The following SMARCA2 variants were observed in gnomAD, a reference collection of about 807,000 sequenced individuals.
SMARCA2 encodes SWI/SNF-related matrix-associated actin-dependent regulator of chromatin subfamily A member 2.
In SMARCA2, 61 loss-of-function variants were observed where a neutral mutation model predicts 199.8. That is an observed-to-expected ratio of 0.31 (90% CI 0.25 to 0.38). The LOEUF is 0.38. Ranked by LOEUF, SMARCA2 falls within the 10% of genes least tolerant of loss-of-function variation. The pLI is 1.00. For synonymous variants in SMARCA2, 935 were observed against 732.0 expected, an observed-to-expected ratio of 1.28 and a Z score of -4.48; for missense variants, 1,344 against 2,012.2, an observed-to-expected ratio of 0.67 and a Z score of 6.35.
chr9:2,084,314 T>C, intron 17 of SMARCA2, 118 bp downstream of exon 17: 1 of 617,650 alleles, frequency 1.6e-6, no homozygotes, highest in Admixed American at 2.9e-5. Flanking sequence ...TCTTTATTTT[T>C]CTAAAATTTT....
chr9:2,160,713 A>C (rs1825622952), intron 27 of SMARCA2: 3 of 603,148 alleles, frequency 5.0e-6, no homozygotes, highest in Non-Finnish European at 9.1e-6. Flanking sequence ...GGAGGAACAA[A>C]TAACAACATT....
chr9:2,192,818 A>T lies in SMARCA2; in HGVS notation c.*79A>T. 2 of 1,026,096 alleles carry T rather than the reference A, an allele frequency of 1.9e-6. No homozygotes were observed. Among genetic ancestry groups the T allele is most frequent in the Admixed American group, 1.8e-5 (1 of 56,882 alleles). 63.6% of individuals were successfully genotyped at this position (1,026,096 alleles called of 1,614,324 possible). ...TTTCTACCCAGTGAGTTCATTTGTC[A>T]TATAGGCACTGGGTTGTTTCTATAT... On this transcript the variant is annotated 3_prime_UTR_variant, in exon 34 of 34. Coordinates refer to ENST00000349721, the MANE Select transcript of SMARCA2 (RefSeq NM_003070.5).
At chr9:2,069,816 A>G (rs1306536645) in intron 9 of SMARCA2, among the ~76,000 whole-genome samples, 1 of 152,258 alleles carries the variant, frequency 6.6e-6, no homozygotes, top group South Asian at 2.1e-4. Flanking sequence ...CAGGGGATAC[A>G]TGTGCAAGTT....
intron 21 of SMARCA2, among the ~76,000 whole-genome samples, chr9:2,098,228 C>CA (rs1822357455): frequency 1.3e-5 from 2 of 152,194 alleles, no homozygotes; most frequent in Admixed American, 1.3e-4. Flanking sequence ...CTTGCTACTG[C>CA]AAAATGGGCA....
Position 2,159,442 on chromosome 9 carries a change from A to G in SMARCA2, c.3982-2244A>G, listed in dbSNP as rs1825550358. 3 of 211,608 alleles carry G rather than the reference A, an allele frequency of 1.4e-5. No homozygotes were observed. In the South Asian group the frequency reaches 3.2e-4, roughly 22 times the overall value. The allele number at this position is 211,608 out of a possible 1,614,324, so 13.1% of individuals were successfully genotyped here. On this transcript the variant is annotated intron_variant, in intron 27 of 33. Transcript: ENST00000349721. ...AAAATCATTTAGACTGCTCCAAACC[A>G]TGCTGCTATTTTTTAAAAAATAAGG...
chr9:2,191,425 G>A lies in SMARCA2; in HGVS notation c.4737+17G>A. 2.5e-6 allele frequency: 4 copies of A among 1,613,478 alleles called. No homozygotes were observed. The highest frequency in any genetic ancestry group is 1.7e-4 in the Middle Eastern group (1 of 6,018). ...GATGAACGTGTAAGTGTAGCCGACT[G>A]GGACTGAAGGCGGAGACGCCCTCTC... is the stretch of plus-strand genomic sequence containing the variant. On this transcript the variant is annotated intron_variant, in intron 33 of 33. Transcript: ENST00000349721.
intron 26 of SMARCA2, among the ~76,000 whole-genome samples, chr9:2,121,613 A>T (rs1195314532): frequency 8.5e-5 from 13 of 152,258 alleles, no homozygotes; most frequent in Admixed American, 8.5e-4. Context: ...ATCCATTATT[A>T]GAAAAGAGTG....
At chr9:2,150,804 G>A (rs1047200266) in intron 27 of SMARCA2, among the ~76,000 whole-genome samples, 2 of 151,510 alleles carry the variant, frequency 1.3e-5, no homozygotes, top group African/African-American at 2.4e-5. Flanking sequence ...AGCAGGTTTG[G>A]TTTCTTCTGA....
chr9:2,024,262 C>T (rs946171369), intron 1 of SMARCA2, among the ~76,000 whole-genome samples: 1 of 152,116 alleles, frequency 6.6e-6, no homozygotes, highest in African/African-American at 2.4e-5. Context: ...TTACCTAATT[C>T]CTTTCTCTCC....
At chr9:2,125,106 G>T (rs1823630832) in intron 27 of SMARCA2, among the ~76,000 whole-genome samples, 1 of 152,164 alleles carries the variant, frequency 6.6e-6, no homozygotes, top group African/African-American at 2.4e-5. Flanking sequence ...AAGGCAAACA[G>T]GTCTTGTCAC....
At chr9:2,090,802 G>A (rs1038212466) in intron 19 of SMARCA2, among the ~76,000 whole-genome samples, 1 of 151,904 alleles carries the variant, frequency 6.6e-6, no homozygotes, top group African/African-American at 2.4e-5. Flanking sequence ...GTATGTGGTT[G>A]TTGTTGATAT....
chr9:2,161,785 G>T lies in SMARCA2; in HGVS notation c.4081G>T (p.Val1361Leu), dbSNP rs757704280. 2 of 1,614,050 alleles carry T rather than the reference G, an allele frequency of 1.2e-6. No individual in the cohort carries two copies. The highest frequency in any genetic ancestry group is 3.3e-5 in the Admixed American group (2 of 59,996). Residue 1361 changes from valine (V) to leucine (L), a missense_variant, in exon 28 of 34, where the codon GTG becomes TTG. Transcript: ENST00000349721. The surrounding 1 kb of genome is among the most constrained non-coding windows in gnomAD (Gnocchi z 4.7). ...GGATAAAGATCCTGCAAAAGAAGAT[G>T]TGGAAAAAGCTAAGAAGAGAAGAGG... ...NVDKDPAKED[V>L]EKAKKRRGRP... is the part of the protein sequence containing the mutation.
chr9:2,101,672 C>A, intron 22 of SMARCA2, 56 bp downstream of exon 22: 2 of 852,120 alleles, frequency 2.3e-6, no homozygotes, highest in Non-Finnish European at 3.9e-6. Flanking sequence ...CTTACATAAA[C>A]TCCTCCTCTC....
chr9:2,047,338 C>G lies in SMARCA2; in HGVS notation c.900C>G (p.Ala300=). The G allele has an allele frequency of 8.1e-7, 1 of 1,240,524 alleles. No homozygotes were observed. Among genetic ancestry groups the G allele is most frequent in the Non-Finnish European group, 1.0e-6 (1 of 976,990 alleles). The allele number at this position is 1,240,524 out of a possible 1,614,324, so 76.8% of individuals were successfully genotyped here. A position where few individuals can be genotyped will look rare whatever the true frequency, so the allele number is the denominator to read the frequency against. The stretch of plus-strand genomic sequence containing the variant: ...CCGCAGCCGCGCAGCCGCCCGCGGC[C>G]GCAGTGCCCGGGCCCTCAGTGCCGC... The part of the protein sequence containing the change: ...APPAAAQPPA[A]AVPGPSVPQP... The change falls in exon 5 of 34, where the codon GCC becomes GCG. Residue 300 remains alanine, a synonymous_variant. Coordinates refer to ENST00000349721, the MANE Select transcript of SMARCA2 (RefSeq NM_003070.5).
intron 25 of SMARCA2, among the ~76,000 whole-genome samples, chr9:2,118,146 A>G (rs374480771): frequency 1.2e-4 from 18 of 152,294 alleles, no homozygotes; most frequent in African/African-American, 4.1e-4. Flanking sequence ...CTAGGAAGAA[A>G]GTAGGCGAAG....
At chr9:2,094,820 G>C (rs940819219) in intron 19 of SMARCA2, among the ~76,000 whole-genome samples, 2 of 152,144 alleles carry the variant, frequency 1.3e-5, no homozygotes, top group African/African-American at 4.8e-5. Context: ...AAAGAGCCCA[G>C]TAATATTAGT....
In SMARCA2 at chr9:2,192,697, CTT is replaced by C. The variant is rs763437405; in HGVS notation, c.4738-4_4738-3del. 4 of 1,597,946 alleles carry C rather than the reference CTT, an allele frequency of 2.5e-6. No individual in the cohort carries two copies. Among genetic ancestry groups the C allele is most frequent in the Non-Finnish European group, 3.4e-6 (4 of 1,165,454 alleles). Reference sequence around the variant, plus strand: ...ACTTCATTTTATCTTCTTATTTTTACTTTTAGGAACAGTCAGAAGGAAGTGGG... The same window carrying C: ...ACTTCATTTTATCTTCTTATTTTTACTTAGGAACAGTCAGAAGGAAGTGGG... On this transcript the variant is annotated splice_region_variant and splice_polypyrimidine_tract_variant and intron_variant, in intron 33 of 33. Transcript: ENST00000349721.
rs762444118 is a variant in SMARCA2 at position 2,032,958 on chromosome 9, G to A, written c.232G>A (p.Asp78Asn). ...EGMHQMHKPI[D>N]GIHDKGIVED... ...TGTCCTTTAAATGTTTCAGCCCATC[G>A]ATGGTATACATGACAAGGGGATTGT... Residue 78 changes from aspartate to asparagine, a missense_variant, in exon 3 of 34, where the codon GAT becomes AAT. Around this residue, in one of 18 missense-constraint regions of SMARCA2, gnomAD observed 275 missense variants for 247.5 expected, o/e 1.11. Coordinates refer to ENST00000349721, the MANE Select transcript of SMARCA2 (RefSeq NM_003070.5). 2 of 1,613,624 alleles carry A rather than the reference G, an allele frequency of 1.2e-6. No homozygotes were observed. The highest frequency in any genetic ancestry group is 2.2e-5 in the South Asian group (2 of 91,036).
At chr9:2,111,541 G>A (rs1352637900) in intron 24 of SMARCA2, among the ~76,000 whole-genome samples, 1 of 150,246 alleles carries the variant, frequency 6.7e-6, no homozygotes, top group African/African-American at 2.5e-5. Context: ...CAACTCTCAC[G>A]TAGGAGTATG....
Sources: gnomAD v4.1 joint callset for allele counts (sites outside exome capture counted in the v4.1 genomes callset) on GRCh38, gnomAD v4.1.1 for gene constraint, gnomAD v4.1.1 regional missense constraint, Gnocchi (gnomAD v3.1) non-coding constraint, MANE v1.5 for transcripts, NCBI Gene and HGNC (gene_info 2026-07-23, HGNC 2026-07-21) for gene names.